Variants in FOXA1 observed in about 807,000 individuals in gnomAD.
The protein encoded by FOXA1 is hepatocyte nuclear factor 3-alpha.
In FOXA1, 9 loss-of-function variants were observed where a neutral mutation model predicts 29.2. The observed-to-expected ratio is 0.31, with a 90% confidence interval of 0.19 to 0.54. The LOEUF is 0.54. Ranked by LOEUF, FOXA1 falls within the 20% of genes least tolerant of loss-of-function variation. The pLI, the probability that FOXA1 is intolerant of heterozygous loss-of-function variation, is 0.95. For missense variants in FOXA1, 644 were observed against 681.2 expected (o/e 0.95, Z 0.61); for synonymous variants, 340 against 300.9 (o/e 1.13, Z -1.34).
chr14:37,594,685 C>G (rs569824520), intron 1 of FOXA1: 3 of 243,266 alleles, frequency 1.2e-5, no homozygotes, highest in Non-Finnish European at 1.5e-5. Context: ...ACTCCCTCTC[C>G]GGCTGCGAGA....
rs1047525590 is a variant in FOXA1, at chr14:37,591,219, G to T, written c.*146C>A. On this transcript the variant is annotated 3_prime_UTR_variant, in exon 2 of 2. Transcript: ENST00000250448. ...TAACAGTCTTTTGCACTGGGGGAAA[G>T]GTTGTGCATGAAAAATGAAATAAAA... 3 of 970,224 alleles carry T rather than the reference G, an allele frequency of 3.1e-6. No homozygotes were observed. Among genetic ancestry groups the T allele is most frequent in the Non-Finnish European group, 3.1e-6 (2 of 636,538 alleles). The allele number at this position is 970,224 out of a possible 1,614,324, so 60.1% of individuals were successfully genotyped here.
In FOXA1 at chr14:37,592,007, G is replaced by A. The variant is rs772117929; in HGVS notation, c.777C>T (p.Tyr259=). The A allele has an allele frequency of 1.9e-6, 3 of 1,603,282 alleles. No individual in the cohort carries two copies. The highest frequency in any genetic ancestry group is 2.6e-6 in the Non-Finnish European group (3 of 1,174,768). Residue 259 remains tyrosine (Y), a synonymous_variant, in exon 2 of 2, where the codon TAC becomes TAT. Transcript: ENST00000250448. The stretch of plus-strand genomic sequence containing the variant: ...ACTTGAAGCGCTTCTGGCGGCGCAA[G>A]TAGCAGCCGTTCTCGAACATGTTGC... ...DSGNMFENGC[Y]LRRQKRFKCE... is the part of the protein sequence containing the mutation.
In FOXA1 at chr14:37,592,317, C is replaced by T. The variant is rs2139182984; in HGVS notation, c.467G>A (p.Gly156Asp). 1 of 1,599,178 alleles carries T rather than the reference C, an allele frequency of 6.3e-7. No individual in the cohort carries two copies. The highest frequency in any genetic ancestry group is 8.5e-7 in the Non-Finnish European group (1 of 1,174,020). The part of the protein sequence containing the change: ...SNLGRSRAGG[G>D]GDAKTFKRSY... Reference sequence around the variant, plus strand: ...GCGCTTGAACGTCTTGGCGTCGCCGCCGCCGCCCGCGCGGCTGCGGCCCAG... The same window carrying T: ...GCGCTTGAACGTCTTGGCGTCGCCGTCGCCGCCCGCGCGGCTGCGGCCCAG... The change falls in exon 2 of 2, where the codon GGC (glycine) becomes GAC (aspartate). Residue 156 changes from glycine to aspartate, a missense_variant. By Grantham distance (94) the Gly-to-Asp change is moderately conservative (BLOSUM62 -1). This residue lies in a region of FOXA1 where 309 missense variants were observed against 307.0 expected (regional missense o/e 1.01). Transcript: ENST00000250448.
chr14:37,594,472 T>A, intron 1 of FOXA1: 1 of 698,598 alleles, frequency 1.4e-6, no homozygotes, highest in Non-Finnish European at 1.8e-6. Flanking sequence ...CAGAGCGCTT[T>A]AATCAGAAGA....
Position 37,590,720 on chromosome 14 carries a change from A to C in FOXA1, c.*645T>G, listed in dbSNP as rs1055104657. 4.2e-6 allele frequency: 1 copy of C among 236,356 alleles called. No homozygotes were observed. 14.6% of individuals were successfully genotyped at this position (236,356 alleles called of 1,614,324 possible). Reference sequence around the variant, plus strand: ...AGCATGTGCATAATTAAGTCCATACACAATATACATGTATTTCATTTAAAG... The same window carrying C: ...AGCATGTGCATAATTAAGTCCATACCCAATATACATGTATTTCATTTAAAG... On this transcript the variant is annotated 3_prime_UTR_variant, in exon 2 of 2. Transcript: ENST00000250448.
rs761345795 is a variant in FOXA1 at position 37,591,185 on chromosome 14, A to G, written c.*180T>C. On this transcript the variant is annotated 3_prime_UTR_variant, in exon 2 of 2. Transcript: ENST00000250448. ...ATATACACAATGAATTTTGAATACA[A>G]TAATAAAGTAACAGTCTTTTGCACT... 7 of 825,688 alleles carry G rather than the reference A, an allele frequency of 8.5e-6. No individual in the cohort carries two copies. The highest frequency in any genetic ancestry group is 1.3e-5 in the Non-Finnish European group (7 of 526,820). 51.1% of individuals were successfully genotyped at this position (825,688 alleles called of 1,614,324 possible). A position where few individuals can be genotyped will look rare whatever the true frequency, so the allele number is the denominator to read the frequency against.
At position 37,591,959 on chromosome 14, in the gene FOXA1, G is replaced by C. The variant is rs2139181463; in HGVS notation, c.825C>G (p.Gly275=). The change falls in exon 2 of 2, where the codon GGC becomes GGG. Residue 275 remains glycine, a synonymous_variant. Transcript: ENST00000250448. ...CCCCGCTTCCGCTCCCGCCCCCGCC[G>C]CCGGCCCCCGGCTGCTTCTCGCACT... ...RFKCEKQPGA[G]GGGGSGSGGS... 6.5e-7 allele frequency: 1 copy of C among 1,533,680 alleles called. No homozygotes were observed.
rs777563544 is a variant in FOXA1 at position 37,592,653 on chromosome 14, A to C, written c.131T>G (p.Met44Arg). ...MNSGLGSMNSMNTYMTMNTMT... is the reference protein window; with the variant it reads ...MNSGLGSMNSRNTYMTMNTMT... ...GGTGTTCATGGTCATGTAGGTGTTCATGGAGTTCATGGAGCCCAGGCCTGA... is the reference window on the plus strand; with the variant it reads ...GGTGTTCATGGTCATGTAGGTGTTCCTGGAGTTCATGGAGCCCAGGCCTGA... Residue 44 changes from methionine (M) to arginine (R), a missense_variant, in exon 2 of 2, where the codon ATG (methionine) becomes AGG (arginine). This residue lies in a region of FOXA1 where 309 missense variants were observed against 307.0 expected (regional missense o/e 1.01). Coordinates refer to ENST00000250448, the MANE Select transcript of FOXA1 (RefSeq NM_004496.5). 1 of 1,614,148 alleles carries C rather than the reference A, an allele frequency of 6.2e-7. No homozygotes were observed. Among genetic ancestry groups the C allele is most frequent in the Non-Finnish European group, 8.5e-7 (1 of 1,180,014 alleles).
At position 37,591,971 on chromosome 14, in the gene FOXA1, C is replaced by G. The variant is rs2139181500; in HGVS notation, c.813G>C (p.Gln271His). 9 of 1,561,656 alleles carry G rather than the reference C, an allele frequency of 5.8e-6. No homozygotes were observed. Among genetic ancestry groups the G allele is most frequent in the Non-Finnish European group, 7.8e-6 (9 of 1,157,526 alleles). The change falls in exon 2 of 2, where the codon CAG becomes CAC. Residue 271 changes from glutamine (Q) to histidine (H), a missense_variant. This residue lies in a region of FOXA1 where 295 missense variants were observed against 294.4 expected (regional missense o/e 1.00). Coordinates refer to ENST00000250448, the MANE Select transcript of FOXA1 (RefSeq NM_004496.5). Reference protein sequence around the residue: ...RRQKRFKCEKQPGAGGGGGSG... With the variant: ...RRQKRFKCEKHPGAGGGGGSG... ...TCCCGCCCCCGCCGCCGGCCCCCGG[C>G]TGCTTCTCGCACTTGAAGCGCTTCT...
chr14:37,594,725 C>A, intron 1 of FOXA1, 176 bp downstream of exon 1: 1 of 294,280 alleles, frequency 3.4e-6, no homozygotes, highest in Non-Finnish European at 5.9e-6. Context: ...GCAGGTCCCG[C>A]TTCCAGGCCC....
In FOXA1 at chr14:37,591,968, C is replaced by T. The variant is rs1267362893; in HGVS notation, c.816G>A (p.Pro272=). Residue 272 remains proline, a synonymous_variant, in exon 2 of 2, where the codon CCG becomes CCA. Coordinates refer to ENST00000250448, the MANE Select transcript of FOXA1 (RefSeq NM_004496.5). ...CGCTCCCGCCCCCGCCGCCGGCCCC[C>T]GGCTGCTTCTCGCACTTGAAGCGCT... is the stretch of plus-strand genomic sequence containing the variant. The part of the protein sequence containing the change: ...RQKRFKCEKQ[P]GAGGGGGSGS... The T allele has an allele frequency of 6.4e-7, 1 of 1,554,702 alleles. No homozygotes were observed. Among genetic ancestry groups the T allele is most frequent in the Non-Finnish European group, 8.7e-7 (1 of 1,154,334 alleles).
At position 37,593,222 on chromosome 14, in the gene FOXA1, T is replaced by C. The variant is rs138446440; in HGVS notation, c.73-511A>G. On this transcript the variant is annotated intron_variant, in intron 1 of 1. Transcript: ENST00000250448. ...TGTTGTTTATTGTATTTAGAAGTAGTGTTTTCTACCTGCTTGTAGCAACTG... is the reference window on the plus strand; with the variant it reads ...TGTTGTTTATTGTATTTAGAAGTAGCGTTTTCTACCTGCTTGTAGCAACTG... 1.3e-4 allele frequency among the ~76,000 whole-genome samples: 20 copies of C among 152,350 alleles called. No homozygotes were observed. In the East Asian group the frequency reaches 3.7e-3, roughly 28 times the overall value.
rs567068679 is a variant in FOXA1 at position 37,592,506 on chromosome 14, A to C, written c.278T>G (p.Met93Arg). 6.2e-7 allele frequency: 1 copy of C among 1,611,832 alleles called. No individual in the cohort carries two copies. Among genetic ancestry groups the C allele is most frequent in the Non-Finnish European group, 8.5e-7 (1 of 1,179,566 alleles). Residue 93 changes from methionine to arginine, a missense_variant, in exon 2 of 2, where the codon ATG becomes AGG. Coordinates refer to ENST00000250448, the MANE Select transcript of FOXA1 (RefSeq NM_004496.5). ...AGMPGGSAGA[M>R]NSMTAAGVTA... ...CACGCCGGCCGCAGTCATGCTGTTC[A>C]TGGCGCCCGCCGAGCCCCCCGGCAT...
rs200907205 is a variant in FOXA1 at position 37,590,414 on chromosome 14, GA to G, written c.*950del. The stretch of plus-strand genomic sequence containing the variant: ...CAACATTGTAATATTCCCTTTTACT[GA>G]AAAAAAAATTCTTTAAATGGTATAC... On this transcript the variant is annotated 3_prime_UTR_variant, in exon 2 of 2. Coordinates refer to ENST00000250448, the MANE Select transcript of FOXA1 (RefSeq NM_004496.5). The G allele has an allele frequency of 1.6e-4, 37 of 226,412 alleles. No homozygotes were observed. The highest frequency in any genetic ancestry group is 2.6e-4 in the East Asian group (4 of 15,616). 14.0% of individuals were successfully genotyped at this position (226,412 alleles called of 1,614,324 possible).
rs751635192 is a variant in FOXA1 at position 37,592,325 on chromosome 14, C to T, written c.459G>A (p.Ala153=). The change falls in exon 2 of 2, where the codon GCG becomes GCA. Residue 153 remains alanine (A), a synonymous_variant. Transcript: ENST00000250448. ...ACGTCTTGGCGTCGCCGCCGCCGCC[C>T]GCGCGGCTGCGGCCCAGGTTGGACG... ...YAPSNLGRSR[A]GGGGDAKTFK... 6 of 1,596,794 alleles carry T rather than the reference C, an allele frequency of 3.8e-6. No homozygotes were observed. Among genetic ancestry groups the T allele is most frequent in the Non-Finnish European group, 5.1e-6 (6 of 1,173,194 alleles).
At chr14:37,592,758 T>C (rs2095597369) in intron 1 of FOXA1, 47 bp from the exon 2 acceptor site, 1 of 1,601,826 alleles carries the variant, frequency 6.2e-7, no homozygotes, top group African/African-American at 1.3e-5. Context: ...GCGGGGTTAG[T>C]GGTGGGCACT....
At chr14:37,594,759 A>C in intron 1 of FOXA1, 142 bp downstream of exon 1, 2 of 422,070 alleles carry the variant, frequency 4.7e-6, no homozygotes, top group Non-Finnish European at 7.2e-6. Context: ...CCGGGGCCAC[A>C]CCGGCGGGCG....
chr14:37,595,004 A>T lies in FOXA1; in HGVS notation c.-32T>A. The T allele has an allele frequency of 6.8e-7, 1 of 1,467,934 alleles. No individual in the cohort carries two copies. Among genetic ancestry groups the T allele is most frequent in the Non-Finnish European group, 9.3e-7 (1 of 1,079,110 alleles). The allele number at this position is 1,467,934 out of a possible 1,614,324, so 90.9% of individuals were successfully genotyped here. ...GCCACCCTGCCCAATACAACCATCC[A>T]GCCCTGTGCGAAGCGACGGGCGGCC... is the stretch of plus-strand genomic sequence containing the variant. On this transcript the variant is annotated 5_prime_UTR_variant, in exon 1 of 2. Transcript: ENST00000250448.
intron 1 of FOXA1, chr14:37,594,304 C>G: frequency 2.5e-6 from 3 of 1,179,388 alleles, no homozygotes; most frequent in Non-Finnish European, 3.2e-6. Context: ...TGAAGAGAAA[C>G]AGGTTCTCGG....
Sources: allele counts gnomAD v4.1 joint callset (sites outside exome capture counted in the v4.1 genomes callset), GRCh38; gene constraint gnomAD v4.1.1; regional missense constraint gnomAD v4.1.1; transcripts MANE v1.5; gene names NCBI Gene and HGNC (gene_info 2026-07-23, HGNC 2026-07-21).